Variants in MAF observed in about 807,000 individuals in gnomAD.
The protein encoded by MAF is MAF bZIP transcription factor.
Under a neutral mutation model 22.0 loss-of-function variants are expected in MAF, and 10 were observed. That is an observed-to-expected ratio of 0.45 (90% CI 0.28 to 0.77). MAF has a LOEUF of 0.77. Ranked by LOEUF, MAF falls within the 30% of genes least tolerant of loss-of-function variation. The pLI is 0.12. For missense variants in MAF, 544 were observed against 548.4 expected (o/e 0.99, Z 0.08); for synonymous variants, 337 against 255.8 (o/e 1.32, Z -3.03).
chr16:79,464,329 T>G, the MAF span, among the ~76,000 whole-genome samples: 7 of 151,600 alleles, frequency 4.6e-5, no homozygotes, highest in Admixed American at 2.0e-4. Context: ...ACCGAGGGAG[T>G]AGGGGCCTGA....
the MAF span, among the ~76,000 whole-genome samples, chr16:79,475,936 G>A: frequency 6.6e-6 from 1 of 152,120 alleles, no homozygotes; most frequent in African/African-American, 2.4e-5. Context: ...TTATTCCTGT[G>A]ATTATGTTAC....
the MAF span, among the ~76,000 whole-genome samples, chr16:79,571,994 T>C: frequency 6.6e-6 from 1 of 152,200 alleles, no homozygotes; most frequent in African/African-American, 2.4e-5. Flanking sequence ...GAAAAGACTA[T>C]GACTGCATTG....
chr16:79,591,141 A>G (rs1913168697), downstream of MAF, among the ~76,000 whole-genome samples: 1 of 152,188 alleles, frequency 6.6e-6, no homozygotes, highest in African/African-American at 2.4e-5. Flanking sequence ...GGAAAGGACC[A>G]ACCACAAGGA....
the MAF span, among the ~76,000 whole-genome samples, chr16:79,541,404 C>T: frequency 6.6e-6 from 1 of 151,932 alleles, no homozygotes; most frequent in Non-Finnish European, 1.5e-5. Context: ...CAGTCATGCG[C>T]AGGGCTGAAG....
chr16:79,477,976 C>T, the MAF span, among the ~76,000 whole-genome samples: 1 of 126,432 alleles, frequency 7.9e-6, no homozygotes, highest in Non-Finnish European at 1.9e-5. Flanking sequence ...CCTGCCTCAG[C>T]CTCCCAACGG....
the MAF span, among the ~76,000 whole-genome samples, chr16:79,339,964 A>G: frequency 6.6e-6 from 1 of 152,122 alleles, no homozygotes; most frequent in African/African-American, 2.4e-5. Context: ...CCATCTACTC[A>G]CCGTCCTGGC....
At chr16:79,441,992 G>A in the MAF span, among the ~76,000 whole-genome samples, 1 of 152,194 alleles carries the variant, frequency 6.6e-6, no homozygotes, top group Non-Finnish European at 1.5e-5. Context: ...GGGCTTGGAG[G>A]GCAGACACAG....
chr16:79,383,669 T>C, the MAF span, among the ~76,000 whole-genome samples: 1 of 152,204 alleles, frequency 6.6e-6, no homozygotes, highest in African/African-American at 2.4e-5. Context: ...ATTATTTTTA[T>C]TTCAAGAGAA....
chr16:79,556,306 T>C, the MAF span, among the ~76,000 whole-genome samples: 1 of 152,228 alleles, frequency 6.6e-6, no homozygotes, highest in Non-Finnish European at 1.5e-5. Context: ...TCCCTTTGAA[T>C]ACCCAGTAGA....
At chr16:79,400,486 G>A in the MAF span, among the ~76,000 whole-genome samples, 2 of 152,230 alleles carry the variant, frequency 1.3e-5, no homozygotes, top group Non-Finnish European at 2.9e-5. Context: ...GCCTGGTTAA[G>A]TACTACAAAC....
the MAF span, among the ~76,000 whole-genome samples, chr16:79,328,129 G>T: frequency 2.0e-5 from 3 of 152,192 alleles, no homozygotes; most frequent in Non-Finnish European, 4.4e-5. Flanking sequence ...AAATCCTATG[G>T]AAGTGATTAG....
the MAF span, among the ~76,000 whole-genome samples, chr16:79,235,679 T>C: frequency 2.0e-5 from 3 of 152,170 alleles, no homozygotes; most frequent in East Asian, 3.9e-4. Context: ...GAGAAATTAA[T>C]TTAGTTAGCA....
chr16:79,454,287 T>G, the MAF span, among the ~76,000 whole-genome samples: 31 of 151,972 alleles, frequency 2.0e-4, no homozygotes, highest in Non-Finnish European at 3.7e-4. Flanking sequence ...AGAGAAGATG[T>G]AGAAATAAAT....
chr16:79,572,657 A>T, the MAF span, among the ~76,000 whole-genome samples: 4 of 152,150 alleles, frequency 2.6e-5, no homozygotes, highest in Non-Finnish European at 5.9e-5. Context: ...ACTTTAGTTC[A>T]TTCCTCTCTT....
At chr16:79,482,722 C>A in the MAF span, among the ~76,000 whole-genome samples, 45 of 152,154 alleles carry the variant, frequency 3.0e-4, no homozygotes, top group Admixed American at 1.0e-3. Context: ...TCTCCCAGTG[C>A]CCCGCTGAGC....
the MAF span, among the ~76,000 whole-genome samples, chr16:79,398,702 C>CG: frequency 2.0e-5 from 3 of 151,964 alleles, no homozygotes; most frequent in Non-Finnish European, 4.4e-5. Flanking sequence ...TGGACTTGAC[C>CG]TCCCCATCCA....
the MAF span, among the ~76,000 whole-genome samples, chr16:79,486,003 A>G: frequency 2.0e-5 from 3 of 152,208 alleles, no homozygotes; most frequent in African/African-American, 7.2e-5. Context: ...TAATGGGAGG[A>G]ATTTTGGGAG....
At chr16:79,392,228 G>A in the MAF span, among the ~76,000 whole-genome samples, 2 of 149,020 alleles carry the variant, frequency 1.3e-5, no homozygotes, top group South Asian at 2.2e-4. Context: ...AAAAGAGAAA[G>A]AAGGAGGGGG....
chr16:79,569,744 G>A, the MAF span, among the ~76,000 whole-genome samples: 2 of 152,160 alleles, frequency 1.3e-5, no homozygotes, highest in East Asian at 3.9e-4. Flanking sequence ...TAATTGATCT[G>A]GGCTGGGGAA....
Sources: gnomAD v4.1 joint callset for allele counts (sites outside exome capture counted in the v4.1 genomes callset) on GRCh38, gnomAD v4.1.1 for gene constraint, MANE v1.5 for transcripts, NCBI Gene and HGNC (gene_info 2026-07-23, HGNC 2026-07-21) for gene names.